CAMK2D: variants seen among roughly 807,000 people sequenced by gnomAD.
CAMK2D encodes calcium/calmodulin-dependent protein kinase type II subunit delta.
CAMK2D carries 37 observed loss-of-function variants against 84.0 expected under a neutral mutation model. The observed-to-expected ratio is 0.44, with a 90% CI of 0.34 to 0.58. The LOEUF is 0.58. Among genes scored for constraint, CAMK2D ranks in the 20% least tolerant of loss-of-function variants. The pLI is 0.02. For synonymous variants in CAMK2D, 202 were observed against 212.5 expected, an observed-to-expected ratio of 0.95 and a Z score of 0.43; for missense variants, 448 against 652.5, an observed-to-expected ratio of 0.69 and a Z score of 3.41.
chr4:113,688,910 C>CAAAAAAAAAAAA (rs34196728), intron 2 of CAMK2D, among the ~76,000 whole-genome samples: 1 of 49,716 alleles, frequency 2.0e-5, no homozygotes, highest in Non-Finnish European at 3.7e-5. Context: ...AAAGAAGATG[C>CAAAAAAAAAAAA]AAAAAAAAAA....
In CAMK2D at chr4:113,661,128, C is replaced by T. The variant is rs554286063; in HGVS notation, c.220+585G>A. Among the ~76,000 whole-genome samples the T allele has an allele frequency of 7.2e-5, 11 of 152,246 alleles. No homozygotes were observed. The East Asian group carries it at 1.9e-3, about 27-fold the overall frequency. Reference sequence around the variant, plus strand: ...AACAATTCTTAAAGACACATAAAAGCACTATTCAAATGAGACCTTATATTA... The same window carrying T: ...AACAATTCTTAAAGACACATAAAAGTACTATTCAAATGAGACCTTATATTA... On this transcript the variant is annotated intron_variant, in intron 3 of 20. Coordinates refer to ENST00000511664, the MANE Select transcript of CAMK2D (RefSeq NM_001321571.2).
chr4:113,707,830 GAC>G (rs760583039), intron 2 of CAMK2D, among the ~76,000 whole-genome samples: 8 of 152,150 alleles, frequency 5.3e-5, no homozygotes, highest in African/African-American at 9.7e-5. Context: ...TGTAGAAGGA[GAC>G]TGTAACAGTA....
chr4:113,480,988 G>C (rs906022748), intron 16 of CAMK2D, among the ~76,000 whole-genome samples: 3 of 152,092 alleles, frequency 2.0e-5, no homozygotes, highest in Non-Finnish European at 4.4e-5. Context: ...AGACTTTCCA[G>C]CCTCCAAAAC....
chr4:113,525,596 G>C (rs1356245234), intron 8 of CAMK2D, among the ~76,000 whole-genome samples: 2 of 152,092 alleles, frequency 1.3e-5, no homozygotes, highest in Non-Finnish European at 2.9e-5. Flanking sequence ...ACAAAAGCAA[G>C]GTAATGTTGG....
At chr4:113,527,481 A>AAACAT (rs2098426857) in intron 8 of CAMK2D, among the ~76,000 whole-genome samples, 1 of 152,130 alleles carries the variant, frequency 6.6e-6, no homozygotes, top group Non-Finnish European at 1.5e-5. Context: ...AGTACACTGT[A>AAACAT]AACATAACTT....
At chr4:113,749,702 T>C (rs995109928) in intron 2 of CAMK2D, among the ~76,000 whole-genome samples, 1 of 152,156 alleles carries the variant, frequency 6.6e-6, no homozygotes, top group African/African-American at 2.4e-5. Context: ...TTAGCCCTCA[T>C]TAATGAGCCA....
intron 18 of CAMK2D, among the ~76,000 whole-genome samples, 160 bp from the exon 19 acceptor site, chr4:113,457,723 C>T (rs775486827): frequency 2.0e-5 from 3 of 152,100 alleles, no homozygotes; most frequent in Non-Finnish European, 4.4e-5. Flanking sequence ...GTACTGGGCA[C>T]TGTACAAAGC....
At chr4:113,478,094 G>T (rs1425840899) in intron 16 of CAMK2D, among the ~76,000 whole-genome samples, 2 of 151,946 alleles carry the variant, frequency 1.3e-5, no homozygotes, top group Non-Finnish European at 2.9e-5. Flanking sequence ...TAAGACAATA[G>T]TAAGAATTTT....
intron 4 of CAMK2D, 123 bp from the exon 5 acceptor site, chr4:113,552,219 T>A: frequency 1.8e-6 from 1 of 558,502 alleles, no homozygotes; most frequent in Non-Finnish European, 3.2e-6. Context: ...CAAAACTTTT[T>A]AAAACATGAG....
chr4:113,459,789 G>A (rs1009048409), intron 18 of CAMK2D, among the ~76,000 whole-genome samples: 7 of 151,844 alleles, frequency 4.6e-5, no homozygotes, highest in Non-Finnish European at 7.4e-5. Context: ...ACCATGCCCA[G>A]CTAATTTTGT....
rs1211440258 is a variant in CAMK2D at position 113,547,675 on chromosome 4, T to C, written c.383A>G (p.His128Arg). 57 of 1,571,152 alleles carry C rather than the reference T, an allele frequency of 3.6e-5. No individual in the cohort carries two copies. The highest frequency in any genetic ancestry group is 4.7e-5 in the Non-Finnish European group (55 of 1,165,756). ...GTCCCGATGGACCACGCCCATCTGA[T>C]GGCAGTGTAGCACAGCCTCCAGGAT... ...QQILEAVLHCHQMGVVHRDLK... is the reference protein window; with the variant it reads ...QQILEAVLHCRQMGVVHRDLK... The change falls in exon 6 of 21, where the codon CAT becomes CGT. Residue 128 changes from histidine (H) to arginine (R), a missense_variant. His to Arg is a conservative substitution (Grantham distance 29). This residue lies in a region of CAMK2D where 60 missense variants were observed against 70.0 expected (regional missense o/e 0.86). Transcript: ENST00000511664.
intron 4 of CAMK2D, among the ~76,000 whole-genome samples, chr4:113,572,893 G>C (rs1465896320): frequency 6.6e-6 from 1 of 152,154 alleles, no homozygotes; most frequent in Non-Finnish European, 1.5e-5. Context: ...TCTTTTGTGG[G>C]AACATGGATG....
chr4:113,506,458 T>C (rs1452962279), intron 13 of CAMK2D, among the ~76,000 whole-genome samples: 1 of 152,206 alleles, frequency 6.6e-6, no homozygotes, highest in Non-Finnish European at 1.5e-5. Flanking sequence ...AAACCTTTTT[T>C]TTCCTTTAAA....
chr4:113,519,024 A>T (rs528895071), intron 8 of CAMK2D, among the ~76,000 whole-genome samples: 1 of 152,052 alleles, frequency 6.6e-6, no homozygotes, highest in Non-Finnish European at 1.5e-5. Context: ...CATAAAAATA[A>T]TTTTTCCATA....
At chr4:113,647,020 A>G (rs1402362371) in intron 3 of CAMK2D, among the ~76,000 whole-genome samples, 1 of 152,254 alleles carries the variant, frequency 6.6e-6, no homozygotes, top group East Asian at 1.9e-4. Flanking sequence ...TAATTTTTTA[A>G]AAAATTTCAC....
In CAMK2D at chr4:113,505,758, A is replaced by T. The variant is rs60982959; in HGVS notation, c.985-723T>A. On this transcript the variant is annotated intron_variant, in intron 13 of 20. Transcript: ENST00000511664. Reference sequence around the variant, plus strand: ...TAATATCATTCCCTTGCTTTAACATAACTGGATTTGACTTTAAAGAATATA... The same window carrying T: ...TAATATCATTCCCTTGCTTTAACATTACTGGATTTGACTTTAAAGAATATA... Among the ~76,000 whole-genome samples, 287 of 152,310 alleles carry T rather than the reference A, an allele frequency of 1.9e-3. 5 individuals carry two copies. In the East Asian group the frequency reaches 0.023, roughly 12 times the overall value.
At chr4:113,509,404 C>T (rs1206306474) in intron 13 of CAMK2D, among the ~76,000 whole-genome samples, 1 of 152,084 alleles carries the variant, frequency 6.6e-6, no homozygotes, top group Non-Finnish European at 1.5e-5. Flanking sequence ...TATTGTATAA[C>T]AACATTATTT....
chr4:113,696,175 GACAGACAC>G (rs1233991970), intron 2 of CAMK2D, among the ~76,000 whole-genome samples: 38 of 132,556 alleles, frequency 2.9e-4, no homozygotes, highest in African/African-American at 9.7e-4. Flanking sequence ...CCACTTGACA[GACAGACAC>G]ACAGACACAC....
intron 14 of CAMK2D, 59 bp from the exon 15 acceptor site, chr4:113,503,036 G>C (rs1436428145): frequency 8.2e-7 from 1 of 1,215,124 alleles, no homozygotes; most frequent in African/African-American, 1.5e-5. Flanking sequence ...ATTCTTTCTA[G>C]TGTGAAGGAC....
Sources: allele counts gnomAD v4.1 joint callset (sites outside exome capture counted in the v4.1 genomes callset), GRCh38; gene constraint gnomAD v4.1.1; regional missense constraint gnomAD v4.1.1; transcripts MANE v1.5; gene names NCBI Gene and HGNC (gene_info 2026-07-23, HGNC 2026-07-21).